Variants in OLFML3 observed in about 807,000 individuals in gnomAD.
OLFML3 encodes the protein olfactomedin like 3, also known as olfactomedin-like protein 3.
OLFML3 carries 26 observed loss-of-function variants against 36.0 expected under a neutral mutation model. The ratio of observed to expected loss-of-function variants is 0.72; its 90% CI spans 0.53 to 1.00. The LOEUF is 1.00. Ranked by LOEUF, OLFML3 falls within the 50% of genes least tolerant of loss-of-function variation. OLFML3 has a pLI of 0.00. For missense variants in OLFML3, 503 were observed against 519.4 expected (o/e 0.97, Z 0.31); for synonymous variants, 184 against 201.2 (o/e 0.91, Z 0.72).
Position 113,981,683 on chromosome 1 carries a change from C to T in OLFML3, c.1135C>T (p.Pro379Ser). 1.9e-6 allele frequency: 3 copies of T among 1,614,038 alleles called. No individual in the cohort carries two copies. The highest frequency in any genetic ancestry group is 2.5e-6 in the Non-Finnish European group (3 of 1,180,006). ...TGCCCATGCCAGCCTCCGCTATAAC[C>T]CCCGAGAACGCCAGCTCTATGCCTG... The part of the protein sequence containing the change: ...YGAHASLRYN[P>S]RERQLYAWDD... The change falls in exon 3 of 3, where the codon CCC becomes TCC. Residue 379 changes from proline to serine, a missense_variant. Transcript: ENST00000320334.
chr1:113,980,856 T>C, intron 2 of OLFML3, 93 bp from the exon 3 acceptor site: 1 of 1,175,084 alleles, frequency 8.5e-7, no homozygotes. Flanking sequence ...GGGCAAATGC[T>C]CACTATTCTC....
intron 2 of OLFML3, 92 bp from the exon 3 acceptor site, chr1:113,980,857 C>T (rs2101556619): frequency 8.5e-7 from 1 of 1,176,954 alleles, no homozygotes; most frequent in East Asian, 2.6e-5. Context: ...GGCAAATGCT[C>T]ACTATTCTCC....
rs1673425456 is a variant in OLFML3 at position 113,981,820 on chromosome 1, T to C, written c.*51T>C. 1 of 1,467,684 alleles carries C rather than the reference T, an allele frequency of 6.8e-7. No individual in the cohort carries two copies. The highest frequency in any genetic ancestry group is 9.3e-7 in the Non-Finnish European group (1 of 1,070,260). 90.9% of individuals were successfully genotyped at this position (1,467,684 alleles called of 1,614,324 possible). On this transcript the variant is annotated 3_prime_UTR_variant, in exon 3 of 3. Coordinates refer to ENST00000320334, the MANE Select transcript of OLFML3 (RefSeq NM_020190.5). ...TTCTCACTCCCATACATTTATATTA[T>C]ATCCCCACTAAATTTCTTGTTCCTC...
chr1:113,981,198 G>A lies in OLFML3; in HGVS notation c.650G>A (p.Gly217Asp). The A allele has an allele frequency of 1.2e-6, 2 of 1,614,182 alleles. No homozygotes were observed. Among genetic ancestry groups the A allele is most frequent in the Non-Finnish European group, 1.7e-6 (2 of 1,180,016 alleles). Residue 217 changes from glycine (G) to aspartate (D), a missense_variant, in exon 3 of 3, where the codon GGC becomes GAC. Physicochemically the swap from Gly to Asp is moderately conservative, Grantham distance 94. Coordinates refer to ENST00000320334, the MANE Select transcript of OLFML3 (RefSeq NM_020190.5). Reference sequence around the variant, plus strand: ...GGCACAGGGCAGCTGGTATATGGTGGCTTTCTTTATTTTGCTCGGAGGCCT... The same window carrying A: ...GGCACAGGGCAGCTGGTATATGGTGACTTTCTTTATTTTGCTCGGAGGCCT... ...WVGTGQLVYG[G>D]FLYFARRPPG...
At position 113,980,381 on chromosome 1, in the gene OLFML3, T is replaced by G; in HGVS notation, c.164T>G (p.Leu55Arg). 1 of 1,597,602 alleles carries G rather than the reference T, an allele frequency of 6.3e-7. No individual in the cohort carries two copies. Among genetic ancestry groups the G allele is most frequent in the Non-Finnish European group, 8.5e-7 (1 of 1,171,608 alleles). The stretch of plus-strand genomic sequence containing the variant: ...CAGAGTAGTCGGCATGCTGCTGAGC[T>G]GCGGGACTTCAAGAACAAGATGCTG... ...QDQSSRHAAELRDFKNKMLPL... is the reference protein window; with the variant it reads ...QDQSSRHAAERRDFKNKMLPL... The change falls in exon 2 of 3, where the codon CTG (leucine) becomes CGG (arginine). Residue 55 changes from leucine (L) to arginine (R), a missense_variant. Coordinates refer to ENST00000320334, the MANE Select transcript of OLFML3 (RefSeq NM_020190.5).
intron 1 of OLFML3, 134 bp from the exon 2 acceptor site, chr1:113,980,198 T>G: frequency 6.6e-7 from 1 of 1,517,974 alleles, no homozygotes; most frequent in Non-Finnish European, 8.8e-7. Flanking sequence ...TTTCCTTTTC[T>G]GCAGGAGTGG....
At position 113,981,880 on chromosome 1, in the gene OLFML3, C is replaced by G. The variant is rs1673427482; in HGVS notation, c.*111C>G. On this transcript the variant is annotated 3_prime_UTR_variant, in exon 3 of 3. Coordinates refer to ENST00000320334, the MANE Select transcript of OLFML3 (RefSeq NM_020190.5). ...ATGTGGGCCAGTTGTGGCTCAAATCCTCTATATTTTTAGCCAATGGCAATC... is the reference window on the plus strand; with the variant it reads ...ATGTGGGCCAGTTGTGGCTCAAATCGTCTATATTTTTAGCCAATGGCAATC... 2 of 987,400 alleles carry G rather than the reference C, an allele frequency of 2.0e-6. No homozygotes were observed. Among genetic ancestry groups the G allele is most frequent in the East Asian group, 5.2e-5 (2 of 38,420 alleles). The allele number at this position is 987,400 out of a possible 1,614,324, so 61.2% of individuals were successfully genotyped here. A position where few individuals can be genotyped will look rare whatever the true frequency, so the allele number is the denominator to read the frequency against.
Position 113,981,149 on chromosome 1 carries a change from G to T in OLFML3, c.601G>T (p.Val201Phe). The T allele has an allele frequency of 1.9e-6, 3 of 1,614,232 alleles. No individual in the cohort carries two copies. Among genetic ancestry groups the T allele is most frequent in the Non-Finnish European group, 2.5e-6 (3 of 1,180,030 alleles). ...CATGGCTGCCCGGAAAGCTTCCCGA[G>T]TCCGGGTGCCCTTCCCCTGGGTAGG... ...LAMAARKASR[V>F]RVPFPWVGTG... Residue 201 changes from valine to phenylalanine, a missense_variant, in exon 3 of 3, where the codon GTC becomes TTC. By Grantham distance (50) the Val-to-Phe change is conservative. Transcript: ENST00000320334.
chr1:113,981,841 T>G lies in OLFML3; in HGVS notation c.*72T>G. On this transcript the variant is annotated 3_prime_UTR_variant, in exon 3 of 3. Transcript: ENST00000320334. The stretch of plus-strand genomic sequence containing the variant: ...ATTATATCCCCACTAAATTTCTTGT[T>G]CCTCATTCTTCAAATGTGGGCCAGT... The G allele has an allele frequency of 7.3e-7, 1 of 1,372,496 alleles. No individual in the cohort carries two copies. Among genetic ancestry groups the G allele is most frequent in the South Asian group, 1.3e-5 (1 of 77,722 alleles). 85.0% of individuals were successfully genotyped at this position (1,372,496 alleles called of 1,614,324 possible). A position where few individuals can be genotyped will look rare whatever the true frequency, so the allele number is the denominator to read the frequency against.
intron 1 of OLFML3, chr1:113,979,868 A>G (rs998835061): frequency 1.7e-6 from 2 of 1,197,802 alleles, no homozygotes; most frequent in African/African-American, 3.1e-5. Context: ...AAGGGGGCAG[A>G]GTGGAAACGA....
intron 2 of OLFML3, 97 bp from the exon 3 acceptor site, chr1:113,980,852 A>G (rs1673384672): frequency 1.7e-6 from 2 of 1,158,958 alleles, no homozygotes; most frequent in Non-Finnish European, 2.4e-6. Context: ...CACTGGGCAA[A>G]TGCTCACTAT....
In OLFML3 at chr1:113,980,549, A is replaced by C. The variant is rs780989182; in HGVS notation, c.332A>C (p.Glu111Ala). The C allele has an allele frequency of 5.0e-6, 8 of 1,613,532 alleles. No homozygotes were observed. The East Asian group carries it at 1.6e-4, about 31-fold the overall frequency. ...GCTCTGCCCTGTGTAGAGTTTGATG[A>C]GAAGGTGACTGGAGGCCCTGGGACC... Reference protein sequence around the residue: ...NPALPCVEFDEKVTGGPGTKG... With the variant: ...NPALPCVEFDAKVTGGPGTKG... Residue 111 changes from glutamate (E) to alanine (A), a missense_variant, in exon 2 of 3, where the codon GAG (glutamate) becomes GCG (alanine). Glu to Ala is a moderately radical substitution (Grantham distance 107, BLOSUM62 -1). Coordinates refer to ENST00000320334, the MANE Select transcript of OLFML3 (RefSeq NM_020190.5).
chr1:113,979,961 T>G, intron 1 of OLFML3: 1 of 1,435,598 alleles, frequency 7.0e-7, no homozygotes, highest in Non-Finnish European at 9.2e-7. Context: ...TATAACTTCC[T>G]GTCTTTTTAA....
Position 113,980,533 on chromosome 1 carries a change from T to G in OLFML3, c.316T>G (p.Cys106Gly). The change falls in exon 2 of 3, where the codon TGT (cysteine) becomes GGT (glycine). Residue 106 changes from cysteine to glycine, a missense_variant. Coordinates refer to ENST00000320334, the MANE Select transcript of OLFML3 (RefSeq NM_020190.5). ...GGAGACCCAGAACCCAGCTCTGCCCTGTGTAGAGTTTGATGAGAAGGTGAC... is the reference window on the plus strand; with the variant it reads ...GGAGACCCAGAACCCAGCTCTGCCCGGTGTAGAGTTTGATGAGAAGGTGAC... ...YLETQNPALP[C>G]VEFDEKVTGG... 1 of 1,613,890 alleles carries G rather than the reference T, an allele frequency of 6.2e-7. No individual in the cohort carries two copies.
At position 113,981,700 on chromosome 1, in the gene OLFML3, C is replaced by T; in HGVS notation, c.1152C>T (p.Leu384=). 6.2e-7 allele frequency: 1 copy of T among 1,614,040 alleles called. No individual in the cohort carries two copies. Among genetic ancestry groups the T allele is most frequent in the Non-Finnish European group, 8.5e-7 (1 of 1,180,002 alleles). The change falls in exon 3 of 3, where the codon CTC becomes CTT. Residue 384 remains leucine, a synonymous_variant. Coordinates refer to ENST00000320334, the MANE Select transcript of OLFML3 (RefSeq NM_020190.5). ...SLRYNPRERQ[L]YAWDDGYQIV... Reference sequence around the variant, plus strand: ...GCTATAACCCCCGAGAACGCCAGCTCTATGCCTGGGATGATGGCTACCAGA... The same window carrying T: ...GCTATAACCCCCGAGAACGCCAGCTTTATGCCTGGGATGATGGCTACCAGA...
chr1:113,981,732 A>G lies in OLFML3; in HGVS notation c.1184A>G (p.Tyr395Cys), dbSNP rs1332010824. ...YAWDDGYQIVYKLEMRKKEEE... is the reference protein window; with the variant it reads ...YAWDDGYQIVCKLEMRKKEEE... ...TGGGATGATGGCTACCAGATTGTCT[A>G]TAAGCTGGAGATGAGGAAGAAAGAG... is the stretch of plus-strand genomic sequence containing the variant. The change falls in exon 3 of 3, where the codon TAT becomes TGT. Residue 395 changes from tyrosine (Y) to cysteine (C), a missense_variant. Transcript: ENST00000320334. 1 of 1,613,778 alleles carries G rather than the reference A, an allele frequency of 6.2e-7. No individual in the cohort carries two copies. The highest frequency in any genetic ancestry group is 1.1e-5 in the South Asian group (1 of 91,016).
At position 113,980,519 on chromosome 1, in the gene OLFML3, A is replaced by C; in HGVS notation, c.302A>C (p.Asn101Thr). Residue 101 changes from asparagine to threonine, a missense_variant, in exon 2 of 3, where the codon AAC (asparagine) becomes ACC (threonine). Asn to Thr is a moderately conservative substitution (Grantham distance 65). Coordinates refer to ENST00000320334, the MANE Select transcript of OLFML3 (RefSeq NM_020190.5). ...EREVDYLETQ[N>T]PALPCVEFDE... The stretch of plus-strand genomic sequence containing the variant: ...GAGGTAGACTATCTGGAGACCCAGA[A>C]CCCAGCTCTGCCCTGTGTAGAGTTT... 1 of 1,614,144 alleles carries C rather than the reference A, an allele frequency of 6.2e-7. No homozygotes were observed. The highest frequency in any genetic ancestry group is 1.1e-5 in the South Asian group (1 of 91,064).
Position 113,979,550 on chromosome 1 carries a change from C to A in OLFML3, c.34C>A (p.Leu12Ile). 6.2e-7 allele frequency: 1 copy of A among 1,614,136 alleles called. No individual in the cohort carries two copies. Among genetic ancestry groups the A allele is most frequent in the Non-Finnish European group, 8.5e-7 (1 of 1,180,014 alleles). The change falls in exon 1 of 3, where the codon CTT becomes ATT. Residue 12 changes from leucine to isoleucine, a missense_variant. Coordinates refer to ENST00000320334, the MANE Select transcript of OLFML3 (RefSeq NM_020190.5). ...CAGCACCCCTCTCCTCATCTTGTTC[C>A]TTTTGTCATGGTCGGGACCCCTCCA... is the stretch of plus-strand genomic sequence containing the variant. ...GPSTPLLILF[L>I]LSWSGPLQGQ... is the part of the protein sequence containing the mutation.
chr1:113,979,500 C>T lies in OLFML3; in HGVS notation c.-17C>T. The T allele has an allele frequency of 1.3e-6, 2 of 1,558,822 alleles. No homozygotes were observed. Among genetic ancestry groups the T allele is most frequent in the Non-Finnish European group, 8.9e-7 (1 of 1,129,660 alleles). ...ACTGTACGTTCCTTCTACTCTGGCA[C>T]CACTCTCCAGGCTGCCATGGGGCCC... is the stretch of plus-strand genomic sequence containing the variant. On this transcript the variant is annotated 5_prime_UTR_variant, in exon 1 of 3. Coordinates refer to ENST00000320334, the MANE Select transcript of OLFML3 (RefSeq NM_020190.5).
Sources: gnomAD v4.1 joint callset for allele counts on GRCh38, gnomAD v4.1.1 for gene constraint, MANE v1.5 for transcripts, NCBI Gene and HGNC (gene_info 2026-07-23, HGNC 2026-07-21) for gene names.